Variants in PDE4D observed in about 807,000 individuals in gnomAD.
PDE4D encodes the protein phosphodiesterase 4D, also known as 3',5'-cyclic-AMP phosphodiesterase 4D.
Under a neutral mutation model 87.4 loss-of-function variants are expected in PDE4D, and 24 were observed. That is an observed-to-expected ratio of 0.27 (90% CI 0.20 to 0.39). PDE4D has a LOEUF of 0.39. Ranked by LOEUF, PDE4D falls within the 10% of genes least tolerant of loss-of-function variation. The pLI, the probability that PDE4D is intolerant of heterozygous loss-of-function variation, is 1.00. For synonymous variants in PDE4D, 384 were observed against 383.2 expected (o/e 1.00, Z -0.02); for missense variants, 714 against 1,041.0 (o/e 0.69, Z 4.32).
At chr5:59,377,856 G>A (rs564606803) in intron 1 of PDE4D, among the ~76,000 whole-genome samples, 69 of 152,228 alleles carry the variant, frequency 4.5e-4, no homozygotes, top group African/African-American at 1.6e-3. Flanking sequence ...TTCAACAATT[G>A]TAGAAGACAG....
intron 2 of PDE4D, among the ~76,000 whole-genome samples, chr5:60,133,748 T>C (rs1031501770): frequency 6.6e-6 from 1 of 152,170 alleles, no homozygotes; most frequent in African/African-American, 2.4e-5. Context: ...ACATCTTAAT[T>C]ATTAAGGCTT....
chr5:59,655,308 G>C (rs546360451), intron 1 of PDE4D, among the ~76,000 whole-genome samples: 1 of 152,184 alleles, frequency 6.6e-6, no homozygotes, highest in South Asian at 2.1e-4. Context: ...TCGTTAGCTA[G>C]TCTTTCTTCT....
At chr5:59,204,761 G>A (rs1456101178) in intron 2 of PDE4D, among the ~76,000 whole-genome samples, 1 of 152,184 alleles carries the variant, frequency 6.6e-6, no homozygotes, top group Non-Finnish European at 1.5e-5. Flanking sequence ...CTTATTGGCA[G>A]GCTTGTTCTT....
chr5:59,218,328 T>C (rs1030390783), intron 1 of PDE4D, among the ~76,000 whole-genome samples: 1 of 152,212 alleles, frequency 6.6e-6, no homozygotes, highest in African/African-American at 2.4e-5. Context: ...TCAGTTCAAC[T>C]GAGTAAACAC....
At chr5:59,599,509 AAACAC>A (rs1827197320) in intron 1 of PDE4D, among the ~76,000 whole-genome samples, 1 of 151,842 alleles carries the variant, frequency 6.6e-6, no homozygotes, top group African/African-American at 2.4e-5. Context: ...CCAAAGTGTA[AAACAC>A]ATTTTATTTG....
intron 2 of PDE4D, among the ~76,000 whole-genome samples, chr5:60,159,307 G>A (rs914862398): frequency 6.6e-6 from 1 of 151,878 alleles, no homozygotes; most frequent in Admixed American, 6.6e-5. Context: ...TTGTTTTATG[G>A]TTAACTTTTT....
At chr5:60,023,881 G>A (rs1346476207) in intron 2 of PDE4D, among the ~76,000 whole-genome samples, 1 of 152,180 alleles carries the variant, frequency 6.6e-6, no homozygotes, top group Non-Finnish European at 1.5e-5. Flanking sequence ...ACGTATGCAC[G>A]ACTGTGACCA....
intron 1 of PDE4D, among the ~76,000 whole-genome samples, chr5:59,819,659 C>A (rs1405936934): frequency 6.6e-6 from 1 of 152,148 alleles, no homozygotes; most frequent in Non-Finnish European, 1.5e-5. Flanking sequence ...ATCTTCCTCA[C>A]TAATGTGATT....
At chr5:59,639,583 G>C (rs148603641) in intron 1 of PDE4D, among the ~76,000 whole-genome samples, 1 of 152,150 alleles carries the variant, frequency 6.6e-6, no homozygotes, top group African/African-American at 2.4e-5. Context: ...CGGGTGGCCT[G>C]AAGGCTCCTA....
rs1164447118 is a variant in PDE4D at position 60,298,826 on chromosome 5, G to C, written c.-89-113139C>G. Among the ~76,000 whole-genome samples, 4 of 152,088 alleles carry C rather than the reference G, an allele frequency of 2.6e-5. No homozygotes were observed. The East Asian group carries it at 7.7e-4, about 29-fold the overall frequency. ...AAAAGAAATTCTTGTTCTTTGGTTT[G>C]TGTCAGCAATAACAACAAGAGAAAC... is the stretch of plus-strand genomic sequence containing the variant. On this transcript the variant is annotated intron_variant, in intron 1 of 16. Transcript: ENST00000502484.
intron 1 of PDE4D, among the ~76,000 whole-genome samples, chr5:59,438,907 C>T (rs1797176944): frequency 1.3e-5 from 2 of 152,144 alleles, no homozygotes; most frequent in South Asian, 2.1e-4. Context: ...CAAATATTGA[C>T]CTGAATGTTC....
chr5:59,767,750 A>C (rs1039664533), intron 1 of PDE4D, among the ~76,000 whole-genome samples: 4 of 152,170 alleles, frequency 2.6e-5, no homozygotes, highest in Non-Finnish European at 2.9e-5. Context: ...TATCAAAGTC[A>C]GGAGTGAGGA....
At chr5:60,517,243 A>G (rs1211424811) in intron 1 of PDE4D, among the ~76,000 whole-genome samples, 1 of 152,168 alleles carries the variant, frequency 6.6e-6, no homozygotes, top group Non-Finnish European at 1.5e-5. Flanking sequence ...GCCAAGGGGG[A>G]GCTGAGAGTG....
chr5:59,656,353 G>C (rs1744358632), intron 1 of PDE4D, among the ~76,000 whole-genome samples: 1 of 152,174 alleles, frequency 6.6e-6, no homozygotes, highest in African/African-American at 2.4e-5. Context: ...ATTGGACCAA[G>C]TTTTCTAGGG....
At chr5:59,754,671 A>G (rs1045558505) in intron 1 of PDE4D, among the ~76,000 whole-genome samples, 1 of 152,130 alleles carries the variant, frequency 6.6e-6, no homozygotes, top group African/African-American at 2.4e-5. Flanking sequence ...GGGTAGAAAA[A>G]TGTGGTTCCT....
At chr5:59,171,928 A>C (rs1479390737) in intron 5 of PDE4D, among the ~76,000 whole-genome samples, 1 of 97,866 alleles carries the variant, frequency 1.0e-5, no homozygotes, top group Non-Finnish European at 1.8e-5. Flanking sequence ...TTATATAATA[A>C]ATATTATATT....
intron 1 of PDE4D, among the ~76,000 whole-genome samples, chr5:60,230,734 A>T (rs553796369): frequency 6.6e-6 from 1 of 152,132 alleles, no homozygotes; most frequent in Non-Finnish European, 1.5e-5. Context: ...ATATGATGAC[A>T]TAAGTAAAGG....
chr5:59,715,825 A>T (rs1754935559), intron 1 of PDE4D, among the ~76,000 whole-genome samples: 1 of 152,204 alleles, frequency 6.6e-6, no homozygotes, highest in South Asian at 2.1e-4. Flanking sequence ...TTCGGGTAAC[A>T]TCATCATGGG....
intron 1 of PDE4D, among the ~76,000 whole-genome samples, chr5:59,564,469 A>T (rs1820563460): frequency 6.6e-6 from 1 of 152,148 alleles, no homozygotes; most frequent in Admixed American, 6.5e-5. Context: ...CCAGTCAATA[A>T]ATAATTTTGT....
Sources: gnomAD v4.1 joint callset for allele counts (sites outside exome capture counted in the v4.1 genomes callset) on GRCh38, gnomAD v4.1.1 for gene constraint, MANE v1.5 for transcripts, NCBI Gene and HGNC (gene_info 2026-07-23, HGNC 2026-07-21) for gene names.